The following ADAR variants were observed in gnomAD, a reference collection of about 807,000 sequenced individuals.
ADAR encodes double-stranded RNA-specific adenosine deaminase.
In ADAR, 41 loss-of-function variants were observed where a neutral mutation model predicts 113.2. The ratio of observed to expected loss-of-function variants is 0.36; its 90% CI spans 0.28 to 0.47. ADAR has a LOEUF of 0.47. ADAR is among the 20% of genes least tolerant of loss of function. ADAR has a pLI of 1.00. For synonymous variants in ADAR, 605 were observed against 572.6 expected (o/e 1.06, Z -0.81); for missense variants, 1,242 against 1,540.9 (o/e 0.81, Z 3.25).
intron 1 of ADAR, among the ~76,000 whole-genome samples, chr1:154,614,684 C>A (rs1293274424): frequency 1.3e-5 from 2 of 152,188 alleles, no homozygotes; most frequent in East Asian, 3.8e-4. Flanking sequence ...TTACTTTTTT[C>A]TTAAATCTCC....
At position 154,583,141 on chromosome 1, in the gene ADAR, A is replaced by C. The variant is rs1454851446; in HGVS notation, c.*1665T>G. ...CAGATGAAGGTCTGTCATCTAAAGG[A>C]GAGAGGCAGGCTCAGCTCCTGAAGG... On this transcript the variant is annotated 3_prime_UTR_variant, in exon 15 of 15. Coordinates refer to ENST00000368474, the MANE Select transcript of ADAR (RefSeq NM_001111.5). 1 of 152,186 alleles carries C rather than the reference A, an allele frequency of 6.6e-6. No homozygotes were observed. The highest frequency in any genetic ancestry group is 2.4e-5 in the African/African-American group (1 of 41,430). The allele number at this position is 152,186 out of a possible 1,614,324, so 9.4% of individuals were successfully genotyped here. A position where few individuals can be genotyped will look rare whatever the true frequency, so the allele number is the denominator to read the frequency against.
chr1:154,618,843 C>T (rs141495198), intron 1 of ADAR, among the ~76,000 whole-genome samples: 14 of 152,260 alleles, frequency 9.2e-5, no homozygotes, highest in African/African-American at 3.1e-4. Flanking sequence ...GCCGTGGTGG[C>T]TTATGCCTGT....
exon 1 of ADAR, chr1:154,627,925 A>ACCCCCCCCC: frequency 3.4e-5 from 10 of 293,254 alleles, no homozygotes; most frequent in South Asian, 5.9e-5. Context: ...CCCTCCCCCC[A>ACCCCCCCCC]CCCTCCCCCA....
At chr1:154,606,491 T>C (rs560165134) in intron 1 of ADAR, among the ~76,000 whole-genome samples, 180 of 152,324 alleles carry the variant, frequency 1.2e-3, no homozygotes, top group African/African-American at 3.9e-3. Flanking sequence ...TGAATGTGTA[T>C]GTGTGCGCAC....
intron 1 of ADAR, among the ~76,000 whole-genome samples, chr1:154,627,226 A>T (rs1444104647): frequency 3.9e-5 from 6 of 152,214 alleles, no homozygotes; most frequent in Non-Finnish European, 8.8e-5. Flanking sequence ...AAATCAAGCT[A>T]AACAGAGAAG....
chr1:154,604,532 T>C (rs3766923), intron 1 of ADAR, among the ~76,000 whole-genome samples: 1 of 152,010 alleles, frequency 6.6e-6, no homozygotes, highest in Non-Finnish European at 1.5e-5. Context: ...TTGAACCTCA[T>C]TTGGGTCTTC....
In ADAR at chr1:154,601,022, T is replaced by C. The variant is rs1697836508; in HGVS notation, c.1601+19A>G. The stretch of plus-strand genomic sequence containing the variant: ...CACCTGACCCCAACCCTAGGTACAG[T>C]TCCTGGGTGGTCTCTTACCGAGGTT... On this transcript the variant is annotated intron_variant, in intron 2 of 14. Transcript: ENST00000368474. This position sits in a 1 kb window ranked among gnomAD's most constrained non-coding sequence, Gnocchi z 4.7. The C allele has an allele frequency of 1.2e-6, 2 of 1,613,814 alleles. No individual in the cohort carries two copies. The highest frequency in any genetic ancestry group is 1.7e-6 in the Non-Finnish European group (2 of 1,180,006).
At chr1:154,608,568 C>A (rs1482745770), upstream of ADAR, among the ~76,000 whole-genome samples, 1 of 145,432 alleles carries the variant, frequency 6.9e-6, no homozygotes, top group African/African-American at 2.5e-5. Flanking sequence ...TCTCGAACTC[C>A]CGGCTTCAAG....
At position 154,601,808 on chromosome 1, in the gene ADAR, A is replaced by G. The variant is rs1295200888; in HGVS notation, c.834T>C (p.Pro278=). ...AGGCAGATGTGGAGTTGCTGTCTTC[A>G]GGTTCCAAACCTGGGTCTGAGTTTG... ...GSPNSDPGLE[P]EDSNSTSALE... The change falls in exon 2 of 15, where the codon CCT becomes CCC. Residue 278 remains proline, a synonymous_variant. Coordinates refer to ENST00000368474, the MANE Select transcript of ADAR (RefSeq NM_001111.5). This position sits in a 1 kb window ranked among gnomAD's most constrained non-coding sequence, Gnocchi z 4.7. 3 of 1,614,170 alleles carry G rather than the reference A, an allele frequency of 1.9e-6. No homozygotes were observed. The highest frequency in any genetic ancestry group is 2.2e-5 in the East Asian group (1 of 44,890).
At chr1:154,592,229 T>G (rs754718679) in intron 6 of ADAR, among the ~76,000 whole-genome samples, 18 of 152,118 alleles carry the variant, frequency 1.2e-4, no homozygotes, top group Non-Finnish European at 2.1e-4. Flanking sequence ...TCTTTCTCTC[T>G]TCATCATCCT....
intron 6 of ADAR, among the ~76,000 whole-genome samples, chr1:154,594,207 A>G (rs1697347939): frequency 6.6e-6 from 1 of 152,168 alleles, no homozygotes; most frequent in South Asian, 2.1e-4. Flanking sequence ...AAGGAGAGAC[A>G]AATTTAAAGT....
At chr1:154,594,507 T>G (rs1393275858) in intron 6 of ADAR, among the ~76,000 whole-genome samples, 3 of 152,216 alleles carry the variant, frequency 2.0e-5, no homozygotes, top group Non-Finnish European at 4.4e-5. Flanking sequence ...GCCATCTTGA[T>G]GCAAAACCAC....
Position 154,584,751 on chromosome 1 carries a change from T to C in ADAR, c.*55A>G, listed in dbSNP as rs1696632695. 6 of 1,438,400 alleles carry C rather than the reference T, an allele frequency of 4.2e-6. No homozygotes were observed. Among genetic ancestry groups the C allele is most frequent in the Non-Finnish European group, 5.9e-6 (6 of 1,022,354 alleles). 89.1% of individuals were successfully genotyped at this position (1,438,400 alleles called of 1,614,324 possible). ...CCATGTGATGAGGAATGCTACGACCTACCTCTCTCACACCCTAGTATGACA... is the reference window on the plus strand; with the variant it reads ...CCATGTGATGAGGAATGCTACGACCCACCTCTCTCACACCCTAGTATGACA... On this transcript the variant is annotated 3_prime_UTR_variant, in exon 15 of 15. Transcript: ENST00000368474.
intron 1 of ADAR, chr1:154,606,101 G>A (rs1046285391): frequency 4.3e-6 from 1 of 234,636 alleles, no homozygotes; most frequent in East Asian, 1.8e-4. Context: ...CTGGAGTGCA[G>A]TGTGATCTCA....
In ADAR at chr1:154,601,250, A is replaced by G. The variant is rs370763473; in HGVS notation, c.1392T>C (p.Asn464=). 173 of 1,614,104 alleles carry G rather than the reference A, an allele frequency of 1.1e-4. No individual in the cohort carries two copies. The highest frequency in any genetic ancestry group is 1.4e-4 in the Non-Finnish European group (164 of 1,180,048). ...ACTCACCTGGTGCTGCGCGGATACT[A>G]TTCAAGTCATCTGGGATGTCATCTG... ...WATDDIPDDL[N]SIRAAPGEFR... The change falls in exon 2 of 15, where the codon AAT becomes AAC. Residue 464 remains asparagine (N), a synonymous_variant. Transcript: ENST00000368474. The surrounding 1 kb of genome is among the most constrained non-coding windows in gnomAD (Gnocchi z 4.7).
intron 1 of ADAR, among the ~76,000 whole-genome samples, chr1:154,607,311 G>A (rs762938920): frequency 6.6e-6 from 1 of 152,206 alleles, no homozygotes; most frequent in African/African-American, 2.4e-5. Context: ...CTACTAAGCA[G>A]TATCCCATTA....
At chr1:154,608,283 C>T, upstream of ADAR, 2 of 488,978 alleles carry the variant, frequency 4.1e-6, no homozygotes, top group South Asian at 2.9e-5. Flanking sequence ...GGTTTCAGGC[C>T]GGTTACAAGT....
At chr1:154,611,390 CTTAT>C (rs563617992), upstream of ADAR, among the ~76,000 whole-genome samples, 386 of 152,098 alleles carry the variant, frequency 2.5e-3, 3 homozygotes, top group South Asian at 3.5e-3. Flanking sequence ...TGCAGACAGT[CTTAT>C]TCATAAACGT....
At chr1:154,594,645 G>A (rs1475816397) in intron 6 of ADAR, among the ~76,000 whole-genome samples, 1 of 152,180 alleles carries the variant, frequency 6.6e-6, no homozygotes, top group Non-Finnish European at 1.5e-5. Flanking sequence ...TATAATGTGT[G>A]ACCAGCTGCA....
Sources: gnomAD v4.1 joint callset for allele counts (sites outside exome capture counted in the v4.1 genomes callset) on GRCh38, gnomAD v4.1.1 for gene constraint, Gnocchi (gnomAD v3.1) non-coding constraint, MANE v1.5 for transcripts, NCBI Gene and HGNC (gene_info 2026-07-23, HGNC 2026-07-21) for gene names.